Variants in UBE2D2 observed in about 807,000 individuals in gnomAD.
The protein encoded by UBE2D2 is ubiquitin-conjugating enzyme E2 D2.
UBE2D2 carries 2 observed loss-of-function variants against 24.2 expected under a neutral mutation model. That is an observed-to-expected ratio of 0.08 (90% confidence interval 0.03 to 0.26). UBE2D2 has a LOEUF of 0.26. Ranked by LOEUF, UBE2D2 falls within the 10% of genes least tolerant of loss-of-function variation. UBE2D2 has a pLI of 1.00. For synonymous variants in UBE2D2, 58 were observed against 56.5 expected (o/e 1.03, Z -0.12); for missense variants, 44 against 177.6 (o/e 0.25, Z 4.28).
chr5:139,586,537 G>A (rs1035106456), intron 1 of UBE2D2, among the ~76,000 whole-genome samples: 3 of 152,076 alleles, frequency 2.0e-5, no homozygotes, highest in African/African-American at 2.4e-5. Context: ...AGGCCGAGGC[G>A]GGCGGATCAC....
At chr5:139,600,334 T>C (rs1754045316) in intron 1 of UBE2D2, 38 bp from the exon 2 acceptor site, 1 of 1,602,670 alleles carries the variant, frequency 6.2e-7, no homozygotes, top group Non-Finnish European at 8.5e-7. Context: ...AAGGTACATT[T>C]ATGTTGAATA....
chr5:139,544,168 C>CTTTT (rs33938446), intron 1 of UBE2D2, among the ~76,000 whole-genome samples: 1 of 136,602 alleles, frequency 7.3e-6, no homozygotes, highest in Non-Finnish European at 1.6e-5. Flanking sequence ...TTCTTTCTTT[C>CTTTT]TTTTTTTTTT....
intron 6 of UBE2D2, among the ~76,000 whole-genome samples, chr5:139,626,217 C>G (rs954770122): frequency 4.0e-5 from 6 of 150,962 alleles, no homozygotes; most frequent in African/African-American, 9.8e-5. Context: ...TATAGTCATG[C>G]GCCACCACAC....
rs1753826136 is a variant in UBE2D2 at position 139,590,700 on chromosome 5, GA to G, written c.25-9671del. ...ATCAGTTCTGGGAGGGTACACAGGG[GA>G]CGTAGATCCTAAGATAGTATGGCGA... On this transcript the variant is annotated intron_variant, in intron 1 of 6. Coordinates refer to ENST00000398733, the MANE Select transcript of UBE2D2 (RefSeq NM_003339.3). Among the ~76,000 whole-genome samples the G allele has an allele frequency of 2.0e-5, 3 of 151,218 alleles. No individual in the cohort carries two copies. The South Asian group carries it at 6.3e-4, about 32-fold the overall frequency.
At chr5:139,619,630 G>A (rs1341216519) in intron 5 of UBE2D2, among the ~76,000 whole-genome samples, 3 of 152,108 alleles carry the variant, frequency 2.0e-5, no homozygotes, top group East Asian at 1.9e-4. Context: ...TTGGGAGGCC[G>A]AGATGCGCAG....
chr5:139,576,486 AT>A (rs1000156178), intron 1 of UBE2D2, among the ~76,000 whole-genome samples: 36 of 147,400 alleles, frequency 2.4e-4, no homozygotes, highest in East Asian at 1.2e-3. Context: ...CCCAAAGATG[AT>A]TTTTTTTTTT....
Position 139,563,883 on chromosome 5 carries a change from C to T in UBE2D2, c.24+2068C>T, listed in dbSNP as rs544926875. ...CGGGGAGGCGGAGCTTGCAGTGAGC[C>T]GAGATCGCGCCACTGCACTCCAGCC... On this transcript the variant is annotated intron_variant, in intron 1 of 6. Transcript: ENST00000398733. 1.9e-4 allele frequency among the ~76,000 whole-genome samples: 29 copies of T among 151,688 alleles called. 1 individual carries two copies. Among genetic ancestry groups the T allele is most frequent in the Non-Finnish European group, 3.7e-4 (25 of 67,958 alleles).
intron 1 of UBE2D2, among the ~76,000 whole-genome samples, chr5:139,538,908 T>G (rs1352375020): frequency 6.6e-6 from 1 of 151,890 alleles, no homozygotes; most frequent in Non-Finnish European, 1.5e-5. Context: ...TGTATATTAC[T>G]ACAATAAAAA....
chr5:139,563,590 A>G (rs913292768), intron 1 of UBE2D2, among the ~76,000 whole-genome samples: 1 of 152,164 alleles, frequency 6.6e-6, no homozygotes, highest in South Asian at 2.1e-4. Context: ...CTTATTTTAT[A>G]ACCTGAGAAA....
At chr5:139,608,610 A>C (rs1030607878) in intron 2 of UBE2D2, among the ~76,000 whole-genome samples, 1 of 151,968 alleles carries the variant, frequency 6.6e-6, no homozygotes, top group Admixed American at 6.6e-5. Flanking sequence ...AAAAAGAAGA[A>C]GAAGGGTATT....
In UBE2D2 at chr5:139,622,290, G is replaced by A. The variant is rs371159299; in HGVS notation, c.305-1078G>A. Among the ~76,000 whole-genome samples, 60 of 151,600 alleles carry A rather than the reference G, an allele frequency of 4.0e-4. 1 individual carries two copies. The South Asian group carries it at 0.012, about 30-fold the overall frequency. ...ATGGATTTTTTGCTGTGTCGCCCAG[G>A]CTGGAGTGCAATGCTACGATCTCGG... On this transcript the variant is annotated intron_variant, in intron 5 of 6. Coordinates refer to ENST00000398733, the MANE Select transcript of UBE2D2 (RefSeq NM_003339.3).
chr5:139,623,320 C>A, intron 5 of UBE2D2, 48 bp from the exon 6 acceptor site: 1 of 1,411,512 alleles, frequency 7.1e-7, no homozygotes, highest in Non-Finnish European at 9.8e-7. Context: ...TTTCTCTCAA[C>A]CCTTTGCTTT....
intron 1 of UBE2D2, among the ~76,000 whole-genome samples, chr5:139,551,694 A>G (rs1331736646): frequency 6.6e-6 from 1 of 152,240 alleles, no homozygotes; most frequent in Non-Finnish European, 1.5e-5. Flanking sequence ...CTGACAGTCT[A>G]TTGAATGAGA....
chr5:139,541,552 A>T (rs1752761861), intron 1 of UBE2D2, among the ~76,000 whole-genome samples: 1 of 144,866 alleles, frequency 6.9e-6, no homozygotes, highest in South Asian at 2.3e-4. Context: ...GTGAGCCAAG[A>T]TCGGGCCACT....
At position 139,592,383 on chromosome 5, in the gene UBE2D2, A is replaced by G. The variant is rs183889990; in HGVS notation, c.25-7989A>G. On this transcript the variant is annotated intron_variant, in intron 1 of 6. Coordinates refer to ENST00000398733, the MANE Select transcript of UBE2D2 (RefSeq NM_003339.3). ...TCTGATGCTTTTTAACTCATCAGAC[A>G]TAAAAGTAATGAGCTCTGGTGTGCA... Among the ~76,000 whole-genome samples, 194 of 152,164 alleles carry G rather than the reference A, an allele frequency of 1.3e-3. 1 individual carries two copies. Among genetic ancestry groups the G allele is most frequent in the African/African-American group, 4.4e-3 (182 of 41,538 alleles).
At chr5:139,615,499 A>G (rs1754404270) in intron 5 of UBE2D2, among the ~76,000 whole-genome samples, 1 of 152,108 alleles carries the variant, frequency 6.6e-6, no homozygotes, top group Admixed American at 6.6e-5. Context: ...AAAAAAAAGA[A>G]GATGGACACT....
rs58143967 is a variant in UBE2D2 at position 139,544,780 on chromosome 5, CTT to C, written c.-64+18177_-64+18178del. 4.7e-5 allele frequency among the ~76,000 whole-genome samples: 7 copies of C among 149,000 alleles called. No homozygotes were observed. In the South Asian group the frequency reaches 1.3e-3, roughly 27 times the overall value. On this transcript the variant is annotated intron_variant, in intron 1 of 6. Coordinates refer to the UBE2D2 transcript ENST00000511725. Reference sequence around the variant, plus strand: ...GTAACCCACTTTATACTGTAGTTTGCTTTTTTTTTTCTTTTTTTAGACAGTCT... The same window carrying C: ...GTAACCCACTTTATACTGTAGTTTGCTTTTTTTTCTTTTTTTAGACAGTCT...
chr5:139,571,297 C>A (rs535998470), intron 1 of UBE2D2, among the ~76,000 whole-genome samples: 2 of 151,522 alleles, frequency 1.3e-5, no homozygotes, highest in East Asian at 1.9e-4. Flanking sequence ...ATCCCAGCTA[C>A]TTGGGAGGCT....
At chr5:139,579,453 T>C (rs1391318910) in intron 1 of UBE2D2, among the ~76,000 whole-genome samples, 2 of 152,042 alleles carry the variant, frequency 1.3e-5, no homozygotes, top group African/African-American at 4.8e-5. Context: ...GGCCTAATTT[T>C]TGTATTTTTA....
Sources: allele counts gnomAD v4.1 joint callset (sites outside exome capture counted in the v4.1 genomes callset), GRCh38; gene constraint gnomAD v4.1.1; transcripts MANE v1.5; gene names NCBI Gene and HGNC (gene_info 2026-07-23, HGNC 2026-07-21).